Variants in CDH4 observed in about 807,000 individuals in gnomAD.
CDH4 encodes cadherin 4.
CDH4 carries 33 observed loss-of-function variants against 86.0 expected under a neutral mutation model. The ratio of observed to expected loss-of-function variants is 0.38; its 90% CI spans 0.29 to 0.51. The LOEUF is 0.51. Among genes scored for constraint, CDH4 ranks in the 20% least tolerant of loss-of-function variants. The probability of loss-of-function intolerance (pLI) is 0.86; values close to 1 mark genes in which losing one functional copy is unlikely to be tolerated. For synonymous variants in CDH4, 555 were observed against 549.4 expected (o/e 1.01, Z -0.14); for missense variants, 1,114 against 1,307.4 (o/e 0.85, Z 2.28).
At position 61,933,140 on chromosome 20, in the gene CDH4, G is replaced by T. The variant is rs201731451; in HGVS notation, c.2379+16G>T. ...GGAGGACCAGGTGAGACTGCGGCCCGCCCCCGCCTCCCCACGCGAGGCCGG... is the reference window on the plus strand; with the variant it reads ...GGAGGACCAGGTGAGACTGCGGCCCTCCCCCGCCTCCCCACGCGAGGCCGG... On this transcript the variant is annotated intron_variant, in intron 14 of 15. Coordinates refer to ENST00000614565, the MANE Select transcript of CDH4 (RefSeq NM_001794.5). 3.1e-6 allele frequency: 5 copies of T among 1,608,498 alleles called. No homozygotes were observed. In the African/African-American group the frequency reaches 6.7e-5, roughly 21 times the overall value.
chr20:61,830,236 T>C (rs1981533926), intron 4 of CDH4, among the ~76,000 whole-genome samples: 1 of 151,898 alleles, frequency 6.6e-6, no homozygotes, highest in Non-Finnish European at 1.5e-5. Context: ...GAGTCCTCTC[T>C]TGTCAGAGGC....
chr20:61,904,090 G>T (rs976024865), intron 8 of CDH4, among the ~76,000 whole-genome samples: 1 of 152,228 alleles, frequency 6.6e-6, no homozygotes, highest in Non-Finnish European at 1.5e-5. Flanking sequence ...TTGCCCCAGC[G>T]GGGGACAGCA....
chr20:61,487,475 C>A (rs1354907971), intron 2 of CDH4, among the ~76,000 whole-genome samples: 1 of 152,144 alleles, frequency 6.6e-6, no homozygotes, highest in Non-Finnish European at 1.5e-5. Context: ...CTAATAAGTA[C>A]CATGAGCTTC....
At chr20:61,579,285 A>AC (rs377267925) in intron 2 of CDH4, among the ~76,000 whole-genome samples, 7 of 129,568 alleles carry the variant, frequency 5.4e-5, no homozygotes, top group East Asian at 4.6e-4. Context: ...CTCGATGGAG[A>AC]TTTTTTTTTT....
At chr20:61,344,188 T>G (rs540985143) in intron 2 of CDH4, among the ~76,000 whole-genome samples, 3 of 152,044 alleles carry the variant, frequency 2.0e-5, no homozygotes, top group Non-Finnish European at 4.4e-5. Context: ...AGTGGAATGG[T>G]CCATGGGGCC....
chr20:61,572,261 G>A (rs1307442781), intron 2 of CDH4, among the ~76,000 whole-genome samples: 1 of 152,144 alleles, frequency 6.6e-6, no homozygotes, highest in Non-Finnish European at 1.5e-5. Context: ...GTGTCCCTTA[G>A]ACTAATCATA....
chr20:61,900,600 C>G (rs1985350185), intron 8 of CDH4, among the ~76,000 whole-genome samples: 1 of 152,190 alleles, frequency 6.6e-6, no homozygotes, highest in African/African-American at 2.4e-5. Flanking sequence ...AAGGACAAGC[C>G]CAAGGCAGAG....
intron 2 of CDH4, among the ~76,000 whole-genome samples, chr20:61,353,694 C>CTT (rs1400595647): frequency 1.3e-4 from 1 of 7,444 alleles, no homozygotes; most frequent in Non-Finnish European, 3.4e-4. Flanking sequence ...CCCTCCTCCT[C>CTT]CCCTCCTCCT....
At chr20:61,932,925 CAG>C (rs2055131433) in intron 13 of CDH4, 58 bp from the exon 14 acceptor site, 7 of 1,582,628 alleles carry the variant, frequency 4.4e-6, no homozygotes, top group East Asian at 2.3e-5. Flanking sequence ...ATGGCAAACA[CAG>C]AGGCACACAT....
intron 2 of CDH4, among the ~76,000 whole-genome samples, chr20:61,553,717 T>A (rs2086152859): frequency 6.6e-6 from 1 of 152,226 alleles, no homozygotes; most frequent in African/African-American, 2.4e-5. Flanking sequence ...AGAGTATCTA[T>A]CTTTTCCATT....
intron 2 of CDH4, among the ~76,000 whole-genome samples, chr20:61,560,806 T>C (rs1437733300): frequency 1.3e-5 from 2 of 152,184 alleles, no homozygotes; most frequent in Non-Finnish European, 2.9e-5. Context: ...AGTCTGTCCA[T>C]CCGGGGATAG....
intron 2 of CDH4, among the ~76,000 whole-genome samples, chr20:61,601,236 A>G (rs947120133): frequency 6.6e-6 from 1 of 152,122 alleles, no homozygotes; most frequent in Non-Finnish European, 1.5e-5. Flanking sequence ...AAGGTGCCAC[A>G]TACTTTAAAC....
chr20:61,609,434 G>GT (rs374217346), intron 2 of CDH4, among the ~76,000 whole-genome samples: 2,362 of 152,084 alleles, frequency 0.016, 74 homozygotes, highest in African/African-American at 0.054. Flanking sequence ...GCAGAAGGTT[G>GT]TTTTTTTTCT....
intron 2 of CDH4, among the ~76,000 whole-genome samples, chr20:61,543,842 C>T (rs1241824619): frequency 6.6e-6 from 1 of 152,228 alleles, no homozygotes; most frequent in Non-Finnish European, 1.5e-5. Context: ...TGGACCAAGG[C>T]TGTTGACCTG....
Position 61,665,348 on chromosome 20 carries a change from G to A in CDH4, c.170-78215G>A, listed in dbSNP as rs534924123. ...TGGCCAGGGTGCTTAATGCTCACTC[G>A]TGAAATGGCATACCCAACAATTTGA... is the stretch of plus-strand genomic sequence containing the variant. On this transcript the variant is annotated intron_variant, in intron 2 of 15. Coordinates refer to ENST00000614565, the MANE Select transcript of CDH4 (RefSeq NM_001794.5). 3.9e-5 allele frequency among the ~76,000 whole-genome samples: 6 copies of A among 152,348 alleles called. No homozygotes were observed. In the East Asian group the frequency reaches 7.7e-4, roughly 20 times the overall value.
chr20:61,710,977 G>C lies in CDH4; in HGVS notation c.170-32586G>C, dbSNP rs572034315. Among the ~76,000 whole-genome samples the C allele has an allele frequency of 1.2e-3, 190 of 152,216 alleles. 1 individual carries two copies. Among genetic ancestry groups the C allele is most frequent in the Non-Finnish European group, 3.2e-4 (22 of 68,022 alleles). ...AGGCATACGACCTTACAGTTCTCAA[G>C]GTCAGAAGCTGATATGGTTTGGCTG... is the stretch of plus-strand genomic sequence containing the variant. On this transcript the variant is annotated intron_variant, in intron 2 of 15. Transcript: ENST00000614565.
chr20:61,576,148 A>G (rs2086380805), intron 2 of CDH4, among the ~76,000 whole-genome samples: 1 of 152,246 alleles, frequency 6.6e-6, no homozygotes, highest in Non-Finnish European at 1.5e-5. Context: ...GAACTGGAGC[A>G]CAGCTCCTGG....
rs1246171567 is a variant in CDH4 at position 61,879,999 on chromosome 20, C to G, written c.1050+6099C>G. On this transcript the variant is annotated intron_variant, in intron 7 of 15. Transcript: ENST00000614565. The surrounding 1 kb of genome is among the most constrained non-coding windows in gnomAD (Gnocchi z 4.1). ...AGGATTCTGGGGAAAGCAAAACCCACACCTCCCCGAACGTCTTCAAGACCC... is the reference window on the plus strand; with the variant it reads ...AGGATTCTGGGGAAAGCAAAACCCAGACCTCCCCGAACGTCTTCAAGACCC... 2.0e-5 allele frequency among the ~76,000 whole-genome samples: 3 copies of G among 152,184 alleles called. No individual in the cohort carries two copies. Among genetic ancestry groups the G allele is most frequent in the African/African-American group, 7.2e-5 (3 of 41,440 alleles).
At chr20:61,445,682 G>A (rs1304656150) in intron 2 of CDH4, among the ~76,000 whole-genome samples, 4 of 152,168 alleles carry the variant, frequency 2.6e-5, no homozygotes, top group Admixed American at 6.5e-5. Flanking sequence ...AGAATACACC[G>A]GGTTTGTGTT....
Sources: gnomAD v4.1 joint callset for allele counts (sites outside exome capture counted in the v4.1 genomes callset) on GRCh38, gnomAD v4.1.1 for gene constraint, Gnocchi (gnomAD v3.1) non-coding constraint, MANE v1.5 for transcripts, NCBI Gene and HGNC (gene_info 2026-07-23, HGNC 2026-07-21) for gene names.